The following E2F3 variants were observed in gnomAD, a reference collection of about 807,000 sequenced individuals.
E2F3 encodes the protein E2F transcription factor 3.
Under a neutral mutation model 44.4 loss-of-function variants are expected in E2F3, and 11 were observed. That is an observed-to-expected ratio of 0.25 (90% confidence interval 0.16 to 0.41). The LOEUF is 0.41. Ranked by LOEUF, E2F3 falls within the 10% of genes least tolerant of loss-of-function variation. The pLI, the probability that E2F3 is intolerant of heterozygous loss-of-function variation, is 1.00. For synonymous variants in E2F3, 249 were observed against 253.0 expected, an observed-to-expected ratio of 0.98 and a Z score of 0.15; for missense variants, 487 against 583.6, an observed-to-expected ratio of 0.83 and a Z score of 1.70.
At chr6:20,437,480 C>CT (rs56864400) in intron 1 of E2F3, among the ~76,000 whole-genome samples, 427 of 145,680 alleles carry the variant, frequency 2.9e-3, no homozygotes, top group African/African-American at 6.0e-3. Context: ...AAAGAATTGT[C>CT]TTTTTTTTTT....
In E2F3 at chr6:20,448,683, G is replaced by A. The variant is rs1214896048; in HGVS notation, c.394-31163G>A. Among the ~76,000 whole-genome samples the A allele has an allele frequency of 2.0e-5, 3 of 152,288 alleles. No homozygotes were observed. The East Asian group carries it at 5.8e-4, about 29-fold the overall frequency. On this transcript the variant is annotated intron_variant, in intron 1 of 6. Coordinates refer to ENST00000346618, the MANE Select transcript of E2F3 (RefSeq NM_001949.5). ...GTTAAAAGACAGGTTAGAGACGTGG[G>A]AGAAGAGTATGTTGTATTTCTTGTC... is the stretch of plus-strand genomic sequence containing the variant.
At chr6:20,480,137 A>G (rs1403548428) in intron 2 of E2F3, 180 bp downstream of exon 2, 2 of 848,564 alleles carry the variant, frequency 2.4e-6, no homozygotes, top group Non-Finnish European at 1.4e-6. Flanking sequence ...GTGAAAGGCT[A>G]CAGAGTCACA....
At chr6:20,480,330 A>T (rs1314203224) in intron 2 of E2F3, among the ~76,000 whole-genome samples, 3 of 152,146 alleles carry the variant, frequency 2.0e-5, no homozygotes, top group Non-Finnish European at 2.9e-5. Context: ...GTCTGTGCCG[A>T]CCTCAATCTC....
intron 6 of E2F3, among the ~76,000 whole-genome samples, chr6:20,488,940 G>A (rs772770444): frequency 6.6e-6 from 1 of 151,992 alleles, no homozygotes; most frequent in Admixed American, 6.6e-5. Flanking sequence ...GTTGCAGTGA[G>A]CCGAGATCCG....
At chr6:20,442,797 C>T (rs1760819237) in intron 1 of E2F3, among the ~76,000 whole-genome samples, 3 of 151,980 alleles carry the variant, frequency 2.0e-5, no homozygotes, top group Admixed American at 2.0e-4. Context: ...TGGTGAAACC[C>T]CGTCTCTACT....
chr6:20,436,137 C>T (rs9465745), intron 1 of E2F3, among the ~76,000 whole-genome samples: 3,647 of 152,102 alleles, frequency 0.024, 141 homozygotes, highest in African/African-American at 0.081. Flanking sequence ...TGTACCACCA[C>T]GCCCAGCTAA....
chr6:20,483,438 G>A (rs1158937721), intron 4 of E2F3, among the ~76,000 whole-genome samples: 5 of 152,176 alleles, frequency 3.3e-5, no homozygotes, highest in Non-Finnish European at 7.3e-5. Flanking sequence ...GGGTTTGAAA[G>A]AGTAGAGAAA....
At chr6:20,409,838 CG>C (rs1561846714) in intron 1 of E2F3, among the ~76,000 whole-genome samples, 1 of 152,164 alleles carries the variant, frequency 6.6e-6, no homozygotes, top group Admixed American at 6.5e-5. Flanking sequence ...TTAGGGGCAG[CG>C]ATATATGGCT....
At chr6:20,467,621 G>A (rs1025397979) in intron 1 of E2F3, among the ~76,000 whole-genome samples, 2 of 152,306 alleles carry the variant, frequency 1.3e-5, no homozygotes, top group East Asian at 1.9e-4. Context: ...GCGAGGTTCT[G>A]TGAGTCTACT....
At chr6:20,429,507 T>C (rs991354962) in intron 1 of E2F3, among the ~76,000 whole-genome samples, 2 of 152,186 alleles carry the variant, frequency 1.3e-5, no homozygotes, top group African/African-American at 4.8e-5. Context: ...GGTTTGGTAC[T>C]ATCTGAGGTT....
chr6:20,437,329 CTAT>C (rs1581599854), intron 1 of E2F3, among the ~76,000 whole-genome samples: 2 of 152,142 alleles, frequency 1.3e-5, no homozygotes, highest in African/African-American at 4.8e-5. Context: ...CGGGGCAAGG[CTAT>C]TATTCTGGTT....
intron 1 of E2F3, among the ~76,000 whole-genome samples, chr6:20,448,803 C>T (rs1191967908): frequency 6.6e-6 from 1 of 152,138 alleles, no homozygotes; most frequent in Non-Finnish European, 1.5e-5. Context: ...GAGGGGAGTG[C>T]CACATAGTGG....
chr6:20,489,149 A>C (rs1762484954), intron 6 of E2F3, among the ~76,000 whole-genome samples: 1 of 152,194 alleles, frequency 6.6e-6, no homozygotes. Flanking sequence ...AGCAAGAATA[A>C]GGGTGATTTA....
chr6:20,449,030 C>T (rs1374066995), intron 1 of E2F3, among the ~76,000 whole-genome samples: 1 of 152,202 alleles, frequency 6.6e-6, no homozygotes, highest in Non-Finnish European at 1.5e-5. Context: ...AATTTCTGGC[C>T]TCCTGGCAGT....
Position 20,475,336 on chromosome 6 carries a change from AATGGTT to A in E2F3, c.394-4509_394-4504del, listed in dbSNP as rs1762010781. Among the ~76,000 whole-genome samples, 5 of 152,190 alleles carry A rather than the reference AATGGTT, an allele frequency of 3.3e-5. No homozygotes were observed. In the South Asian group the frequency reaches 8.3e-4, roughly 25 times the overall value. On this transcript the variant is annotated intron_variant, in intron 1 of 6. Transcript: ENST00000346618. ...TGGAAATTTCCCTAACCTACAGTTT[AATGGTT>A]CCATAGGCCTTTGCCTCATGGCAGT...
chr6:20,433,746 A>T (rs759871656), intron 1 of E2F3, among the ~76,000 whole-genome samples: 15 of 152,012 alleles, frequency 9.9e-5, no homozygotes, highest in East Asian at 1.9e-4. Context: ...ATATATATAT[A>T]TTTTCTTTTT....
intron 4 of E2F3, among the ~76,000 whole-genome samples, chr6:20,486,373 T>C (rs916834423): frequency 9.2e-5 from 14 of 152,146 alleles, no homozygotes; most frequent in African/African-American, 9.6e-5. Context: ...CCCGGGTTCA[T>C]GCCATTCTCC....
At chr6:20,454,113 T>G (rs889523699) in intron 1 of E2F3, among the ~76,000 whole-genome samples, 6 of 152,254 alleles carry the variant, frequency 3.9e-5, no homozygotes, top group Non-Finnish European at 7.3e-5. Flanking sequence ...TTCTTGTTAC[T>G]CAAGGACCAT....
At chr6:20,458,429 C>G (rs557961340) in intron 1 of E2F3, among the ~76,000 whole-genome samples, 2 of 152,282 alleles carry the variant, frequency 1.3e-5, no homozygotes, top group South Asian at 2.1e-4. Flanking sequence ...GTTGGTTGCT[C>G]TGCCCACTGG....
Sources: allele counts gnomAD v4.1 joint callset (sites outside exome capture counted in the v4.1 genomes callset), GRCh38; gene constraint gnomAD v4.1.1; transcripts MANE v1.5; gene names NCBI Gene and HGNC (gene_info 2026-07-23, HGNC 2026-07-21).